Variants in MYO3B observed in about 807,000 individuals in gnomAD.
The protein encoded by MYO3B is myosin IIIB.
Under a neutral mutation model 174.6 loss-of-function variants are expected in MYO3B, and 156 were observed. That is an observed-to-expected ratio of 0.89 (90% confidence interval 0.78 to 1.02). The LOEUF (loss-of-function observed/expected upper bound fraction) is 1.02. MYO3B is among the 50% of genes least tolerant of loss of function. The probability of loss-of-function intolerance (pLI) is 0.00; values close to 1 mark genes in which losing one functional copy is unlikely to be tolerated. For missense variants in MYO3B, 1,632 were observed against 1,639.4 expected (o/e 1.00, Z 0.08); for synonymous variants, 563 against 569.1 (o/e 0.99, Z 0.15).
intron 22 of MYO3B, among the ~76,000 whole-genome samples, chr2:170,413,761 C>T (rs568133439): frequency 4.0e-5 from 6 of 151,250 alleles, no homozygotes; most frequent in South Asian, 4.2e-4. Flanking sequence ...ATCCTTAGGC[C>T]GGGTGCGGTG....
intron 32 of MYO3B, among the ~76,000 whole-genome samples, chr2:170,637,026 T>A (rs1310598036): frequency 6.6e-6 from 1 of 151,600 alleles, no homozygotes; most frequent in Non-Finnish European, 1.5e-5. Flanking sequence ...AAATATCACT[T>A]GTATAACACA....
intron 18 of MYO3B, among the ~76,000 whole-genome samples, chr2:170,402,514 G>T (rs1217196160): frequency 6.6e-6 from 1 of 151,966 alleles, no homozygotes; most frequent in Non-Finnish European, 1.5e-5. Context: ...TTATCCTTGT[G>T]GGTAGATAGG....
At chr2:170,349,906 A>G (rs1291980957) in intron 8 of MYO3B, 1 of 152,242 alleles carries the variant, frequency 6.6e-6, no homozygotes. Context: ...TCTCCAAACG[A>G]CAAACATAAT....
intron 30 of MYO3B, chr2:170,524,445 T>C: frequency 2.4e-6 from 1 of 415,118 alleles, no homozygotes; most frequent in South Asian, 1.8e-5. Context: ...ACTGCTAGCA[T>C]TTGGTTCATT....
chr2:170,206,312 G>T lies in MYO3B; in HGVS notation c.321+6028G>T, dbSNP rs1265007940. On this transcript the variant is annotated intron_variant, in intron 3 of 34. Transcript: ENST00000408978. The surrounding 1 kb of genome is among the most constrained non-coding windows in gnomAD (Gnocchi z 4.3). ...ACTGTCCCCTCTTTGCCCTCCCTCA[G>T]CAGAGTTCACCCTTCCTTCTTTGGT... Among the ~76,000 whole-genome samples the T allele has an allele frequency of 6.6e-6, 1 of 152,102 alleles. No homozygotes were observed. Among genetic ancestry groups the T allele is most frequent in the African/African-American group, 2.4e-5 (1 of 41,424 alleles).
intron 7 of MYO3B, among the ~76,000 whole-genome samples, chr2:170,284,963 C>T (rs894522681): frequency 1.3e-5 from 2 of 152,186 alleles, no homozygotes; most frequent in Non-Finnish European, 2.9e-5. Context: ...TCATACTGTA[C>T]ATATCCAATT....
chr2:170,562,639 A>G (rs965812318), intron 32 of MYO3B, among the ~76,000 whole-genome samples: 1 of 152,244 alleles, frequency 6.6e-6, no homozygotes, highest in Non-Finnish European at 1.5e-5. Flanking sequence ...TGTAATGTGA[A>G]GATATTAAAG....
At chr2:170,323,013 G>C (rs2093840125) in intron 7 of MYO3B, among the ~76,000 whole-genome samples, 1 of 152,180 alleles carries the variant, frequency 6.6e-6, no homozygotes. Context: ...AGAAGAAATA[G>C]ATGCACAATC....
At chr2:170,630,361 T>C (rs1696847075) in intron 32 of MYO3B, among the ~76,000 whole-genome samples, 1 of 152,138 alleles carries the variant, frequency 6.6e-6, no homozygotes, top group Non-Finnish European at 1.5e-5. Flanking sequence ...GTGTCCACCA[T>C]TGCTGAGGCT....
intron 32 of MYO3B, among the ~76,000 whole-genome samples, chr2:170,607,560 T>G (rs754495620): frequency 7.5e-5 from 11 of 147,084 alleles, no homozygotes; most frequent in Non-Finnish European, 1.5e-4. Context: ...AATTCAGCAG[T>G]GTAGAGAAGT....
intron 32 of MYO3B, among the ~76,000 whole-genome samples, chr2:170,619,734 A>ATAC (rs1553539463): frequency 6.0e-5 from 2 of 33,520 alleles, no homozygotes; most frequent in Non-Finnish European, 7.4e-5. Context: ...CTGCTGCCAT[A>ATAC]TTCTTTTTTT....
chr2:170,642,332 C>T (rs1698040922), intron 32 of MYO3B, among the ~76,000 whole-genome samples: 1 of 152,160 alleles, frequency 6.6e-6, no homozygotes, highest in South Asian at 2.1e-4. Flanking sequence ...TTTATAACTC[C>T]AGCATCTTCC....
intron 7 of MYO3B, among the ~76,000 whole-genome samples, chr2:170,300,149 GTAGAT>G (rs1464199575): frequency 7.4e-6 from 1 of 135,474 alleles, no homozygotes; most frequent in Non-Finnish European, 1.7e-5. Context: ...TGGGCACAGG[GTAGAT>G]TGTACTTACC....
chr2:170,600,938 A>T (rs1694469232), intron 32 of MYO3B, among the ~76,000 whole-genome samples: 1 of 152,224 alleles, frequency 6.6e-6, no homozygotes, highest in African/African-American at 2.4e-5. Flanking sequence ...GGCTATGCGA[A>T]ATTTCTTAAC....
At chr2:170,382,945 G>A (rs1250259421) in intron 10 of MYO3B, 128 bp from the exon 11 acceptor site, 1 of 648,832 alleles carries the variant, frequency 1.5e-6, no homozygotes, top group African/African-American at 1.8e-5. Flanking sequence ...GTCATTGTAT[G>A]ATTTAAATGG....
chr2:170,460,837 C>G (rs1034891879), intron 23 of MYO3B, among the ~76,000 whole-genome samples: 2 of 152,116 alleles, frequency 1.3e-5, no homozygotes, highest in African/African-American at 2.4e-5. Flanking sequence ...ACAGATTATT[C>G]CTTTTATTTA....
At chr2:170,569,581 G>A (rs538114053) in intron 32 of MYO3B, among the ~76,000 whole-genome samples, 3 of 151,006 alleles carry the variant, frequency 2.0e-5, no homozygotes, top group Middle Eastern at 3.4e-3. Flanking sequence ...CCGAGAGTTG[G>A]CTGGGTGAGG....
chr2:170,402,540 G>A (rs1184341590), intron 18 of MYO3B, among the ~76,000 whole-genome samples: 1 of 151,574 alleles, frequency 6.6e-6, no homozygotes, highest in Non-Finnish European at 1.5e-5. Flanking sequence ...GAATAAATAA[G>A]CAACAGCTGC....
chr2:170,262,911 C>T (rs1419594294), intron 7 of MYO3B, among the ~76,000 whole-genome samples: 2 of 152,158 alleles, frequency 1.3e-5, no homozygotes, highest in Non-Finnish European at 2.9e-5. Flanking sequence ...ACATTTAATG[C>T]ATACTTAATC....
Sources: gnomAD v4.1 joint callset for allele counts (sites outside exome capture counted in the v4.1 genomes callset) on GRCh38, gnomAD v4.1.1 for gene constraint, Gnocchi (gnomAD v3.1) non-coding constraint, MANE v1.5 for transcripts, NCBI Gene and HGNC (gene_info 2026-07-23, HGNC 2026-07-21) for gene names.